Variants in SERPINI1 observed in about 807,000 individuals in gnomAD.
The protein encoded by SERPINI1 is serpin family I member 1.
SERPINI1 carries 19 observed loss-of-function variants against 41.1 expected under a neutral mutation model. The observed-to-expected ratio is 0.46, with a 90% CI of 0.32 to 0.68. The LOEUF (loss-of-function observed/expected upper bound fraction) is 0.68, where lower values mean the gene tolerates loss of function less well. SERPINI1 is among the 30% of genes least tolerant of loss of function. The pLI, the probability that SERPINI1 is intolerant of heterozygous loss-of-function variation, is 0.03. For missense variants in SERPINI1, 460 were observed against 479.2 expected (o/e 0.96, Z 0.37); for synonymous variants, 138 against 156.6 (o/e 0.88, Z 0.89).
At chr3:167,804,019 A>T (rs929349754) in intron 5 of SERPINI1, among the ~76,000 whole-genome samples, 2 of 152,238 alleles carry the variant, frequency 1.3e-5, no homozygotes, top group Non-Finnish European at 2.9e-5. Context: ...GCAAACGCAT[A>T]CACACATAAA....
At chr3:167,782,904 C>T (rs569514090) in intron 1 of SERPINI1, among the ~76,000 whole-genome samples, 41 of 152,234 alleles carry the variant, frequency 2.7e-4, no homozygotes, top group Non-Finnish European at 5.1e-4. Flanking sequence ...TGATGCAAAA[C>T]GGAGTCTGGC....
intron 6 of SERPINI1, among the ~76,000 whole-genome samples, chr3:167,820,356 GC>G (rs1712273868): frequency 6.6e-6 from 1 of 151,998 alleles, no homozygotes; most frequent in Admixed American, 6.5e-5. Flanking sequence ...AGAGGCGGGA[GC>G]CCAGCCAACC....
chr3:167,803,137 G>A (rs1475750825), intron 5 of SERPINI1, among the ~76,000 whole-genome samples: 2 of 151,828 alleles, frequency 1.3e-5, no homozygotes, highest in Non-Finnish European at 2.9e-5. Context: ...TGGGGTTGGG[G>A]GAGGGGGAGG....
intron 1 of SERPINI1, among the ~76,000 whole-genome samples, chr3:167,765,429 C>T: frequency 6.6e-6 from 1 of 152,234 alleles, no homozygotes; most frequent in African/African-American, 2.4e-5. Flanking sequence ...CCCTTTCAGC[C>T]ACAGCTGGAG....
At chr3:167,804,543 A>G (rs1483957432) in intron 5 of SERPINI1, among the ~76,000 whole-genome samples, 1 of 152,198 alleles carries the variant, frequency 6.6e-6, no homozygotes, top group Non-Finnish European at 1.5e-5. Context: ...TTGTTTAAAA[A>G]TGTATTTCTT....
At chr3:167,794,283 G>A (rs1727642193) in intron 4 of SERPINI1, among the ~76,000 whole-genome samples, 2 of 151,834 alleles carry the variant, frequency 1.3e-5, no homozygotes, top group South Asian at 4.2e-4. Flanking sequence ...AATTATACAG[G>A]GCTGTGAACT....
At chr3:167,812,654 T>C (rs1398579409) in intron 6 of SERPINI1, among the ~76,000 whole-genome samples, 1 of 152,250 alleles carries the variant, frequency 6.6e-6, no homozygotes, top group Non-Finnish European at 1.5e-5. Context: ...TTTCCTATAG[T>C]GCCCAGCACT....
chr3:167,795,750 A>G (rs1727689956), intron 5 of SERPINI1, among the ~76,000 whole-genome samples: 1 of 152,160 alleles, frequency 6.6e-6, no homozygotes, highest in South Asian at 2.1e-4. Context: ...GGGTAGAGCC[A>G]GTTTTCCTTC....
intron 1 of SERPINI1, among the ~76,000 whole-genome samples, chr3:167,750,006 T>C (rs945987342): frequency 1.3e-5 from 2 of 152,168 alleles, no homozygotes; most frequent in South Asian, 2.1e-4. Flanking sequence ...CCTTCAGGCA[T>C]AAGAAAGAGG....
chr3:167,791,432 A>G (rs1397947800), intron 3 of SERPINI1, among the ~76,000 whole-genome samples: 2 of 152,224 alleles, frequency 1.3e-5, no homozygotes, highest in South Asian at 4.1e-4. Context: ...AAGTGCCATG[A>G]TTAATACAAT....
At chr3:167,793,596 A>ATTTTTTTTT (rs141371005) in intron 4 of SERPINI1, among the ~76,000 whole-genome samples, 1,703 of 140,570 alleles carry the variant, frequency 0.012, 27 homozygotes, top group Non-Finnish European at 0.02. Context: ...ATATATATAT[A>ATTTTTTTTT]TTTTTAATTA....
intron 1 of SERPINI1, among the ~76,000 whole-genome samples, chr3:167,755,024 G>T (rs1206771132): frequency 6.6e-6 from 1 of 152,134 alleles, no homozygotes; most frequent in Non-Finnish European, 1.5e-5. Context: ...TCAATGAACT[G>T]TTCTGCTGTC....
chr3:167,759,802 A>T (rs1427930296), intron 1 of SERPINI1, among the ~76,000 whole-genome samples: 2 of 152,162 alleles, frequency 1.3e-5, no homozygotes, highest in African/African-American at 4.8e-5. Flanking sequence ...AATGAGACTG[A>T]GTTCCAGCTA....
rs1294373705 is a variant in SERPINI1 at position 167,789,185 on chromosome 3, C to T, written c.57C>T (p.Ala19=). ...LLVLQSMATG[A]TFPEEAIADL... Reference sequence around the variant, plus strand: ...TTCTGCAAAGTATGGCTACAGGGGCCACTTTCCCTGAGGAAGCCATTGCTG... The same window carrying T: ...TTCTGCAAAGTATGGCTACAGGGGCTACTTTCCCTGAGGAAGCCATTGCTG... The change falls in exon 2 of 9, where the codon GCC becomes GCT. Residue 19 remains alanine, a synonymous_variant. Transcript: ENST00000446050. 6 of 1,614,142 alleles carry T rather than the reference C, an allele frequency of 3.7e-6. No homozygotes were observed. The highest frequency in any genetic ancestry group is 1.7e-5 in the Admixed American group (1 of 60,020).
At chr3:167,755,332 C>A (rs569872976) in intron 1 of SERPINI1, among the ~76,000 whole-genome samples, 6 of 152,288 alleles carry the variant, frequency 3.9e-5, no homozygotes, top group Non-Finnish European at 7.3e-5. Context: ...ATTTCACCAG[C>A]AGTGCACATT....
At chr3:167,770,824 C>T (rs889398932) in intron 1 of SERPINI1, among the ~76,000 whole-genome samples, 1 of 152,132 alleles carries the variant, frequency 6.6e-6, no homozygotes, top group Non-Finnish European at 1.5e-5. Flanking sequence ...CCTGTTTCTC[C>T]AGCTCTCACT....
chr3:167,775,969 G>A (rs1243175029), intron 1 of SERPINI1, among the ~76,000 whole-genome samples: 2 of 150,092 alleles, frequency 1.3e-5, no homozygotes, highest in African/African-American at 2.4e-5. Flanking sequence ...AAAAAAAAGC[G>A]AAAAAAAAAT....
rs561999767 is a variant in SERPINI1 at position 167,809,476 on chromosome 3, A to G, written c.979+2135A>G. 2.6e-5 allele frequency among the ~76,000 whole-genome samples: 4 copies of G among 152,340 alleles called. 1 individual carries two copies. In the South Asian group the frequency reaches 6.2e-4, roughly 24 times the overall value. ...CAGTGGGAAATCAATTATTGTGGTC[A>G]GTGTAGCTTATAATTTCTAACATAT... On this transcript the variant is annotated intron_variant, in intron 6 of 8. Transcript: ENST00000446050.
chr3:167,779,429 A>G (rs1727052841), intron 1 of SERPINI1, among the ~76,000 whole-genome samples: 1 of 152,210 alleles, frequency 6.6e-6, no homozygotes, highest in Non-Finnish European at 1.5e-5. Context: ...AAACTGGCCA[A>G]TATCCACAGG....
Sources: gnomAD v4.1 joint callset for allele counts (sites outside exome capture counted in the v4.1 genomes callset) on GRCh38, gnomAD v4.1.1 for gene constraint, MANE v1.5 for transcripts, NCBI Gene and HGNC (gene_info 2026-07-23, HGNC 2026-07-21) for gene names.